ADAMTS17: variants seen among roughly 807,000 people sequenced by gnomAD.
ADAMTS17 encodes the protein A disintegrin and metalloproteinase with thrombospondin motifs 17.
Under a neutral mutation model 141.5 loss-of-function variants are expected in ADAMTS17, and 113 were observed. The observed-to-expected ratio is 0.80, with a 90% CI of 0.69 to 0.93. The LOEUF is 0.93. ADAMTS17 is among the 40% of genes least tolerant of loss of function. The pLI, the probability that ADAMTS17 is intolerant of heterozygous loss-of-function variation, is 0.00. For synonymous variants in ADAMTS17, 768 were observed against 630.6 expected (o/e 1.22, Z -3.27); for missense variants, 1,659 against 1,517.9 (o/e 1.09, Z -1.54).
chr15:100,106,208 A>G (rs2036406048), intron 14 of ADAMTS17, among the ~76,000 whole-genome samples: 1 of 152,218 alleles, frequency 6.6e-6, no homozygotes, highest in South Asian at 2.1e-4. Context: ...GCAGCAGTCT[A>G]CAGCATGAAA....
intron 18 of ADAMTS17, among the ~76,000 whole-genome samples, chr15:100,037,782 T>C (rs1261502878): frequency 6.6e-6 from 1 of 151,964 alleles, no homozygotes; most frequent in Non-Finnish European, 1.5e-5. Flanking sequence ...GATTGTCCTT[T>C]ATCTTTTTTT....
Position 99,972,112 on chromosome 15 carries a change from G to C in ADAMTS17, c.*2290C>G, listed in dbSNP as rs374783295. 1 of 152,364 alleles carries C rather than the reference G, an allele frequency of 6.6e-6. No individual in the cohort carries two copies. The highest frequency in any genetic ancestry group is 2.4e-5 in the African/African-American group (1 of 41,424). The allele number at this position is 152,364 out of a possible 1,614,324, so 9.4% of individuals were successfully genotyped here. A position where few individuals can be genotyped will look rare whatever the true frequency, so the allele number is the denominator to read the frequency against. On this transcript the variant is annotated 3_prime_UTR_variant, in exon 22 of 22. Coordinates refer to ENST00000268070, the MANE Select transcript of ADAMTS17 (RefSeq NM_139057.4). ...TAAAAATACAAAAAAGTAGGTGGGC[G>C]TGGTGGTGGGCGCCTGTAGTCCCAG...
intron 8 of ADAMTS17, among the ~76,000 whole-genome samples, chr15:100,189,686 G>A (rs1225567642): frequency 6.6e-6 from 1 of 152,248 alleles, no homozygotes; most frequent in East Asian, 1.9e-4. Context: ...TTCAGTGTCT[G>A]AAGCTGCCTC....
At chr15:100,099,029 C>T (rs561362946) in intron 14 of ADAMTS17, among the ~76,000 whole-genome samples, 6 of 152,354 alleles carry the variant, frequency 3.9e-5, no homozygotes, top group Non-Finnish European at 5.9e-5. Flanking sequence ...CCTTGTCCTG[C>T]ACCTCAGTTA....
chr15:100,238,665 A>G (rs1340466443), intron 7 of ADAMTS17, among the ~76,000 whole-genome samples: 2 of 152,230 alleles, frequency 1.3e-5, no homozygotes, highest in African/African-American at 4.8e-5. Context: ...CTTTGCTGTG[A>G]GATAGTTTGA....
intron 3 of ADAMTS17, among the ~76,000 whole-genome samples, chr15:100,299,935 G>A (rs2044969223): frequency 6.6e-6 from 1 of 152,224 alleles, no homozygotes; most frequent in South Asian, 2.1e-4. Context: ...TGTACCTCTT[G>A]TGCTGAGAAG....
chr15:100,177,822 G>A (rs149351164), intron 8 of ADAMTS17, among the ~76,000 whole-genome samples: 61 of 152,150 alleles, frequency 4.0e-4, no homozygotes, highest in African/African-American at 1.4e-3. Context: ...TTTGTTTCAT[G>A]TATTTTGAAT....
intron 15 of ADAMTS17, among the ~76,000 whole-genome samples, chr15:100,076,980 TTTAGG>T (rs2034422718): frequency 6.6e-6 from 1 of 152,110 alleles, no homozygotes; most frequent in South Asian, 2.1e-4. Context: ...CTAATGGACA[TTTAGG>T]TTGTTTCAAA....
At chr15:100,249,606 T>G (rs1449887948) in intron 7 of ADAMTS17, among the ~76,000 whole-genome samples, 1 of 152,114 alleles carries the variant, frequency 6.6e-6, no homozygotes, top group Non-Finnish European at 1.5e-5. Context: ...CCTCCCCACT[T>G]CCAGAGCTCC....
chr15:100,117,222 G>A (rs1294746105), intron 12 of ADAMTS17, among the ~76,000 whole-genome samples: 2 of 152,204 alleles, frequency 1.3e-5, no homozygotes, highest in African/African-American at 2.4e-5. Flanking sequence ...AGGTGCATGA[G>A]AGAACTGCAA....
intron 18 of ADAMTS17, among the ~76,000 whole-genome samples, chr15:100,046,925 C>T (rs2141566042): frequency 6.6e-6 from 1 of 152,272 alleles, no homozygotes; most frequent in African/African-American, 2.4e-5. Flanking sequence ...GAGAGATAAC[C>T]TTAAACTCTG....
intron 18 of ADAMTS17, among the ~76,000 whole-genome samples, chr15:100,038,943 G>T (rs1214199089): frequency 6.6e-6 from 1 of 152,218 alleles, no homozygotes; most frequent in Non-Finnish European, 1.5e-5. Flanking sequence ...GGTGTTGGCT[G>T]TGGGTTCTTG....
intron 14 of ADAMTS17, 88 bp downstream of exon 14, chr15:100,108,901 G>A (rs935958937): frequency 6.2e-7 from 1 of 1,605,562 alleles, no homozygotes; most frequent in Non-Finnish European, 8.5e-7. Flanking sequence ...TAGGCCTCCT[G>A]AGACCTCTGC....
chr15:100,035,631 G>T (rs1353752463), intron 18 of ADAMTS17, among the ~76,000 whole-genome samples: 2 of 152,114 alleles, frequency 1.3e-5, no homozygotes, highest in Admixed American at 1.3e-4. Context: ...CAGGTGTGCC[G>T]AGTCTCGGGG....
chr15:100,339,003 G>A (rs1186872544), intron 2 of ADAMTS17: 1 of 985,404 alleles, frequency 1.0e-6, no homozygotes, highest in Non-Finnish European at 1.2e-6. Context: ...ACGTACAGAG[G>A]GGGAAGTGTC....
intron 2 of ADAMTS17, among the ~76,000 whole-genome samples, chr15:100,334,726 T>C (rs2046157521): frequency 6.6e-6 from 1 of 152,124 alleles, no homozygotes; most frequent in East Asian, 1.9e-4. Context: ...TCCCGCCGCC[T>C]CCTCGAATGT....
chr15:100,095,620 C>G (rs894842584), intron 15 of ADAMTS17, among the ~76,000 whole-genome samples: 21 of 152,170 alleles, frequency 1.4e-4, no homozygotes, highest in Non-Finnish European at 1.5e-4. Context: ...CTAAGGCTGC[C>G]AGAGCTCCCT....
intron 15 of ADAMTS17, among the ~76,000 whole-genome samples, chr15:100,093,841 G>A (rs1415653085): frequency 1.3e-5 from 2 of 152,066 alleles, no homozygotes; most frequent in Admixed American, 1.3e-4. Flanking sequence ...TGTATACCTA[G>A]CGGTTAAAAT....
chr15:100,093,484 T>A (rs1464290574), intron 15 of ADAMTS17, among the ~76,000 whole-genome samples: 1 of 152,162 alleles, frequency 6.6e-6, no homozygotes, highest in Non-Finnish European at 1.5e-5. Flanking sequence ...TCTAAACTGA[T>A]AGGCCTGGTG....
Sources: allele counts gnomAD v4.1 joint callset (sites outside exome capture counted in the v4.1 genomes callset), GRCh38; gene constraint gnomAD v4.1.1; transcripts MANE v1.5; gene names NCBI Gene and HGNC (gene_info 2026-07-23, HGNC 2026-07-21).